CDK17: variants seen among roughly 807,000 people sequenced by gnomAD.
CDK17 encodes cyclin dependent kinase 17.
In CDK17, 24 loss-of-function variants were observed where a neutral mutation model predicts 77.6. That is an observed-to-expected ratio of 0.31 (90% CI 0.22 to 0.44). The LOEUF is 0.44. Among genes scored for constraint, CDK17 ranks in the 20% least tolerant of loss-of-function variants. The pLI, the probability that CDK17 is intolerant of heterozygous loss-of-function variation, is 1.00. For synonymous variants in CDK17, 203 were observed against 210.4 expected, an observed-to-expected ratio of 0.96 and a Z score of 0.30; for missense variants, 429 against 622.5, an observed-to-expected ratio of 0.69 and a Z score of 3.31.
At chr12:96,358,348 C>G (rs1278843789) in intron 1 of CDK17, among the ~76,000 whole-genome samples, 1 of 128,418 alleles carries the variant, frequency 7.8e-6, no homozygotes, top group Non-Finnish European at 1.6e-5. Flanking sequence ...TTGTCATAAG[C>G]CCAGAACTCT....
intron 10 of CDK17, among the ~76,000 whole-genome samples, chr12:96,294,611 A>AAAAAAAAAAAT (rs71097274): frequency 0.01 from 1,255 of 121,264 alleles, 66 homozygotes; most frequent in East Asian, 0.018. Flanking sequence ...AAAAAAAAAA[A>AAAAAAAAAAAT]GATATATTTT....
intron 1 of CDK17, among the ~76,000 whole-genome samples, chr12:96,354,035 G>A (rs1401869515): frequency 6.6e-6 from 1 of 152,196 alleles, no homozygotes; most frequent in Non-Finnish European, 1.5e-5. Context: ...AAGTTAACAA[G>A]TAGACAAGGG....
At chr12:96,280,929 AAAAC>A in intron 15 of CDK17, 44 bp from the exon 16 acceptor site, 1 of 1,465,120 alleles carries the variant, frequency 6.8e-7, no homozygotes, top group South Asian at 1.2e-5. Flanking sequence ...GTCTAACATT[AAAAC>A]AAACACAACC....
intron 2 of CDK17, among the ~76,000 whole-genome samples, chr12:96,325,145 A>G (rs1952876240): frequency 6.6e-6 from 1 of 152,224 alleles, no homozygotes; most frequent in Non-Finnish European, 1.5e-5. Context: ...GTGATACACA[A>G]TTAGTCTTCT....
At chr12:96,301,398 C>T (rs7965892) in intron 5 of CDK17, among the ~76,000 whole-genome samples, 7,873 of 151,842 alleles carry the variant, frequency 0.052, 269 homozygotes, top group Non-Finnish European at 0.064. Context: ...ATATGTAATA[C>T]AAACACAATA....
rs1385794627 is a variant in CDK17 at position 96,318,615 on chromosome 12, C to A, written c.284-5161G>T. Among the ~76,000 whole-genome samples, 9 of 145,838 alleles carry A rather than the reference C, an allele frequency of 6.2e-5. No individual in the cohort carries two copies. In the East Asian group the frequency reaches 1.8e-3, roughly 29 times the overall value. The stretch of plus-strand genomic sequence containing the variant: ...ACAAACTATCTCTCAGACCACAGTG[C>A]AATCAAACTAGAACTCAGGATTAAG... On this transcript the variant is annotated intron_variant, in intron 3 of 16. Transcript: ENST00000261211.
At chr12:96,361,126 G>A (rs1419377278) in intron 1 of CDK17, among the ~76,000 whole-genome samples, 1 of 152,216 alleles carries the variant, frequency 6.6e-6, no homozygotes, top group Non-Finnish European at 1.5e-5. Context: ...CAAGAGCTTG[G>A]AGCGGGGAAC....
In CDK17 at chr12:96,325,620, C is replaced by T. The variant is rs143133038; in HGVS notation, c.119-1508G>A. On this transcript the variant is annotated intron_variant, in intron 2 of 16. Coordinates refer to ENST00000261211, the MANE Select transcript of CDK17 (RefSeq NM_002595.5). ...CCCAAAGGCTCACCCAAGGTCCAAGCTATCTAATCTGGGTCAAAGACAGAC... is the reference window on the plus strand; with the variant it reads ...CCCAAAGGCTCACCCAAGGTCCAAGTTATCTAATCTGGGTCAAAGACAGAC... Among the ~76,000 whole-genome samples, 1,435 of 152,304 alleles carry T rather than the reference C, an allele frequency of 9.4e-3. 12 individuals carry two copies. The highest frequency in any genetic ancestry group is 0.033 in the African/African-American group (1,355 of 41,568).
At chr12:96,343,857 AT>A (rs1296060110) in intron 1 of CDK17, among the ~76,000 whole-genome samples, 1 of 152,196 alleles carries the variant, frequency 6.6e-6, no homozygotes, top group East Asian at 1.9e-4. Context: ...GAAAAAAAGC[AT>A]TTGACAGAAA....
At chr12:96,327,155 T>A (rs1438484965) in intron 2 of CDK17, among the ~76,000 whole-genome samples, 1 of 152,214 alleles carries the variant, frequency 6.6e-6, no homozygotes, top group African/African-American at 2.4e-5. Flanking sequence ...ATCTGTTTCC[T>A]GGGTTCTATA....
intron 5 of CDK17, chr12:96,303,136 C>T (rs191900952): frequency 4.6e-5 from 7 of 152,236 alleles, no homozygotes; most frequent in African/African-American, 1.2e-4. Flanking sequence ...AGCTTGTTGA[C>T]GTGCTCTCCT....
At chr12:96,341,343 AC>A (rs1255462421) in intron 1 of CDK17, among the ~76,000 whole-genome samples, 1 of 121,824 alleles carries the variant, frequency 8.2e-6, no homozygotes, top group Non-Finnish European at 2.0e-5. Context: ...ACACACACAC[AC>A]GTCTCATATA....
rs1268007524 is a variant in CDK17 at position 96,316,749 on chromosome 12, G to C, written c.284-3295C>G. 2.4e-5 allele frequency among the ~76,000 whole-genome samples: 3 copies of C among 126,592 alleles called. 1 individual carries two copies. Among genetic ancestry groups the C allele is most frequent in the South Asian group, 5.3e-4 (2 of 3,794 alleles). 83.0% of individuals were successfully genotyped at this position (126,592 alleles called of 152,430 possible). A position where few individuals can be genotyped will look rare whatever the true frequency, so the allele number is the denominator to read the frequency against. The stretch of plus-strand genomic sequence containing the variant: ...CAACAGACCTGCAGCTGAGGGTCCT[G>C]TCTGTTAGAAGGAAAACTAACAAAC... On this transcript the variant is annotated intron_variant, in intron 3 of 16. Transcript: ENST00000261211.
At chr12:96,368,443 T>C (rs765680580) in intron 1 of CDK17, among the ~76,000 whole-genome samples, 3 of 152,124 alleles carry the variant, frequency 2.0e-5, no homozygotes, top group Admixed American at 6.5e-5. Flanking sequence ...AAAGCAATCA[T>C]GACCAGATCA....
At chr12:96,347,253 A>G (rs1277717632) in intron 1 of CDK17, among the ~76,000 whole-genome samples, 3 of 152,118 alleles carry the variant, frequency 2.0e-5, no homozygotes, top group Non-Finnish European at 4.4e-5. Context: ...CAGAAGAACC[A>G]GACAGATTTA....
intron 3 of CDK17, among the ~76,000 whole-genome samples, chr12:96,318,015 A>G (rs1179797559): frequency 6.6e-6 from 1 of 152,160 alleles, no homozygotes; most frequent in African/African-American, 2.4e-5. Flanking sequence ...AGTTGGATAA[A>G]GAGTCAAGAC....
intron 3 of CDK17, among the ~76,000 whole-genome samples, chr12:96,316,428 G>C (rs537223250): frequency 6.9e-6 from 1 of 145,202 alleles, no homozygotes; most frequent in African/African-American, 2.6e-5. Context: ...AAGCAGCCAC[G>C]AAGCTCGAAC....
intron 1 of CDK17, among the ~76,000 whole-genome samples, chr12:96,338,355 A>C (rs2137149250): frequency 6.6e-6 from 1 of 152,328 alleles, no homozygotes; most frequent in African/African-American, 2.4e-5. Context: ...ATAACAAATC[A>C]TAACCATGAG....
Position 96,374,537 on chromosome 12 carries a change from T to C in CDK17, c.-30+25449A>G, listed in dbSNP as rs75313286. Reference sequence around the variant, plus strand: ...GGCCTCTTAACTTTGCACAAGCATATCCCTCTACCAGGAACAATTAACCCC... The same window carrying C: ...GGCCTCTTAACTTTGCACAAGCATACCCCTCTACCAGGAACAATTAACCCC... On this transcript the variant is annotated intron_variant, in intron 1 of 16. Coordinates refer to ENST00000261211, the MANE Select transcript of CDK17 (RefSeq NM_002595.5). Among the ~76,000 whole-genome samples, 535 of 152,294 alleles carry C rather than the reference T, an allele frequency of 3.5e-3. 2 individuals carry two copies. The highest frequency in any genetic ancestry group is 0.011 in the African/African-American group (458 of 41,560).
Sources: allele counts gnomAD v4.1 joint callset (sites outside exome capture counted in the v4.1 genomes callset), GRCh38; gene constraint gnomAD v4.1.1; transcripts MANE v1.5; gene names NCBI Gene and HGNC (gene_info 2026-07-23, HGNC 2026-07-21).